OPA1: variants seen among roughly 807,000 people sequenced by gnomAD.
OPA1 encodes the protein dynamin-like GTPase OPA1, mitochondrial.
In OPA1, 59 loss-of-function variants were observed where a neutral mutation model predicts 152.9. That is an observed-to-expected ratio of 0.39 (90% CI 0.31 to 0.48). The LOEUF (loss-of-function observed/expected upper bound fraction) is 0.48. OPA1 is among the 20% of genes least tolerant of loss of function. The pLI, the probability that OPA1 is intolerant of heterozygous loss-of-function variation, is 0.96. For missense variants in OPA1, 1,008 were observed against 1,216.8 expected, an observed-to-expected ratio of 0.83 and a Z score of 2.55; for synonymous variants, 400 against 389.9, an observed-to-expected ratio of 1.03 and a Z score of -0.31.
chr3:193,596,336 CT>C (rs1345267997), intron 1 of OPA1, among the ~76,000 whole-genome samples: 262 of 137,802 alleles, frequency 1.9e-3, no homozygotes, highest in African/African-American at 5.5e-3. Flanking sequence ...CTTTCCTTTC[CT>C]TTTCTTTTCT....
At chr3:193,637,515 G>A (rs1733139981) in intron 10 of OPA1, among the ~76,000 whole-genome samples, 1 of 151,802 alleles carries the variant, frequency 6.6e-6, no homozygotes, top group South Asian at 2.1e-4. Flanking sequence ...ATGAGTTACT[G>A]TATGTGTTAT....
intron 29 of OPA1, among the ~76,000 whole-genome samples, chr3:193,683,191 T>C (rs574231771): frequency 2.6e-5 from 4 of 152,220 alleles, no homozygotes; most frequent in African/African-American, 9.6e-5. Flanking sequence ...AGAACTAGAA[T>C]TAGTTCTGTT....
chr3:193,654,027 C>T (rs181393899), intron 21 of OPA1, among the ~76,000 whole-genome samples: 2 of 152,202 alleles, frequency 1.3e-5, no homozygotes, highest in East Asian at 3.9e-4. Context: ...AAACATTCCA[C>T]TCTTAGGTAT....
Position 193,667,256 on chromosome 3 carries a change from C to A in OPA1, c.2959C>A (p.Arg987Ser). The A allele has an allele frequency of 6.3e-7, 1 of 1,589,402 alleles. No individual in the cohort carries two copies. ...GAAGATTAAATTGCTTACTGGTAAA[C>A]GCGTTCAACTGGCGGAAGACCTCAG... ...EKKIKLLTGK[R>S]VQLAEDLKKV... is the part of the protein sequence containing the mutation. The change falls in exon 29 of 31, where the codon CGC becomes AGC. Residue 987 changes from arginine (R) to serine (S), a missense_variant. Coordinates refer to ENST00000361510, the MANE Select transcript of OPA1 (RefSeq NM_130837.3).
intron 29 of OPA1, chr3:193,668,958 A>C: frequency 1.4e-6 from 1 of 695,074 alleles, no homozygotes; most frequent in South Asian, 6.1e-5. Flanking sequence ...CCTTGTTACA[A>C]GTTTCACTGA....
chr3:193,658,551 C>A (rs1193991648), intron 23 of OPA1, among the ~76,000 whole-genome samples: 2 of 152,060 alleles, frequency 1.3e-5, no homozygotes, highest in African/African-American at 2.4e-5. Flanking sequence ...AATTATTAAA[C>A]CCTGAATTTT....
intron 25 of OPA1, among the ~76,000 whole-genome samples, chr3:193,660,414 TTTC>T (rs1488527042): frequency 6.7e-6 from 1 of 150,316 alleles, no homozygotes; most frequent in Non-Finnish European, 1.5e-5. Context: ...TCCAATCCAT[TTTC>T]TTTTCTTGTT....
chr3:193,602,567 A>G (rs1726629566), intron 1 of OPA1, among the ~76,000 whole-genome samples: 1 of 152,172 alleles, frequency 6.6e-6, no homozygotes, highest in Admixed American at 6.5e-5. Flanking sequence ...ACTATTTCAT[A>G]AGGGGTCAAT....
intron 9 of OPA1, among the ~76,000 whole-genome samples, chr3:193,636,218 T>C (rs981911400): frequency 3.3e-5 from 5 of 151,862 alleles, no homozygotes; most frequent in African/African-American, 1.2e-4. Context: ...TTAACAAACA[T>C]GCATTAGTAG....
intron 11 of OPA1, among the ~76,000 whole-genome samples, chr3:193,639,206 C>A (rs979795671): frequency 3.3e-5 from 5 of 151,984 alleles, no homozygotes; most frequent in Non-Finnish European, 7.4e-5. Context: ...GCATTCTAGG[C>A]AATATGTTGG....
chr3:193,613,877 C>T, intron 1 of OPA1: 6 of 516,110 alleles, frequency 1.2e-5, no homozygotes, highest in South Asian at 8.5e-5. Flanking sequence ...CACACCCTGC[C>T]TCCTTCTTAA....
At chr3:193,628,677 T>C (rs1731572211) in intron 7 of OPA1, 1 of 152,208 alleles carries the variant, frequency 6.6e-6, no homozygotes, top group Non-Finnish European at 1.5e-5. Context: ...CATGAACTTG[T>C]TCTTGTTGTA....
intron 1 of OPA1, chr3:193,614,054 A>C (rs988980472): frequency 8.0e-6 from 4 of 502,916 alleles, no homozygotes; most frequent in African/African-American, 7.8e-5. Flanking sequence ...CTCTTCAGGA[A>C]GAAGAAGAGG....
chr3:193,625,971 T>C, intron 6 of OPA1, 121 bp from the exon 7 acceptor site: 1 of 781,328 alleles, frequency 1.3e-6, no homozygotes, highest in Non-Finnish European at 2.3e-6. Flanking sequence ...TAAATGAGTT[T>C]CCATTTCTGT....
intron 25 of OPA1, among the ~76,000 whole-genome samples, 187 bp downstream of exon 25, chr3:193,659,748 G>T (rs1714769703): frequency 6.6e-6 from 1 of 152,030 alleles, no homozygotes; most frequent in Non-Finnish European, 1.5e-5. Context: ...TTTTTTTTAA[G>T]TGAAGTAGCC....
intron 29 of OPA1, among the ~76,000 whole-genome samples, chr3:193,670,665 C>T (rs1019937692): frequency 2.0e-5 from 3 of 152,090 alleles, no homozygotes; most frequent in African/African-American, 7.2e-5. Context: ...CATGCCCAGC[C>T]CTGACTGCCC....
chr3:193,627,232 AGTTTCAT>A (rs1731301209), intron 7 of OPA1: 1 of 152,176 alleles, frequency 6.6e-6, no homozygotes, highest in Admixed American at 6.5e-5. Flanking sequence ...TACTCACCAT[AGTTTCAT>A]TTATGTTTTC....
chr3:193,642,895 G>T, intron 12 of OPA1, 50 bp downstream of exon 12: 2 of 1,551,038 alleles, frequency 1.3e-6, no homozygotes, highest in South Asian at 2.2e-5. Context: ...TAACCTGGAT[G>T]AGCTTATAAA....
At chr3:193,645,035 C>T (rs575544409) in intron 16 of OPA1, among the ~76,000 whole-genome samples, 8 of 149,452 alleles carry the variant, frequency 5.4e-5, no homozygotes, top group African/African-American at 2.0e-4. Context: ...GATTTTTGAT[C>T]CTAAAAGAGT....
Sources: gnomAD v4.1 joint callset for allele counts (sites outside exome capture counted in the v4.1 genomes callset) on GRCh38, gnomAD v4.1.1 for gene constraint, MANE v1.5 for transcripts, NCBI Gene and HGNC (gene_info 2026-07-23, HGNC 2026-07-21) for gene names.